Variants in SLIT3 observed in about 807,000 individuals in gnomAD.
SLIT3 encodes the protein slit homolog 3 protein.
A neutral mutation model predicts 184.0 loss-of-function variants in SLIT3; 68 were observed. That is an observed-to-expected ratio of 0.37 (90% CI 0.30 to 0.45). The LOEUF is 0.45. Ranked by LOEUF, SLIT3 falls within the 20% of genes least tolerant of loss-of-function variation. The pLI is 1.00. For synonymous variants in SLIT3, 831 were observed against 828.6 expected (o/e 1.00, Z -0.05); for missense variants, 1,707 against 2,026.0 (o/e 0.84, Z 3.02).
At chr5:168,914,063 A>G (rs1451950908) in intron 4 of SLIT3, among the ~76,000 whole-genome samples, 1 of 152,322 alleles carries the variant, frequency 6.6e-6, no homozygotes, top group Non-Finnish European at 1.5e-5. Flanking sequence ...TAGATGTGCC[A>G]TAAGTTATTA....
chr5:168,669,181 G>A (rs978572789), intron 35 of SLIT3, among the ~76,000 whole-genome samples: 2 of 152,196 alleles, frequency 1.3e-5, no homozygotes, highest in Non-Finnish European at 2.9e-5. Context: ...CTCACTGAAT[G>A]TACCTGACTG....
intron 5 of SLIT3, among the ~76,000 whole-genome samples, chr5:168,846,860 G>A (rs1758491229): frequency 6.6e-6 from 1 of 152,188 alleles, no homozygotes. Flanking sequence ...AGAATTTTAT[G>A]TGGAAAGAAT....
intron 4 of SLIT3, among the ~76,000 whole-genome samples, chr5:169,172,394 G>T (rs963293325): frequency 6.6e-6 from 1 of 152,164 alleles, no homozygotes; most frequent in African/African-American, 2.4e-5. Flanking sequence ...CCCACCAAAT[G>T]CATCCAAAAC....
intron 4 of SLIT3, among the ~76,000 whole-genome samples, chr5:169,135,629 T>C (rs1218733674): frequency 2.0e-5 from 3 of 152,216 alleles, no homozygotes; most frequent in Non-Finnish European, 4.4e-5. Context: ...TATTTATATA[T>C]GCTTCTGTTT....
chr5:169,070,314 G>C (rs1430900148), intron 4 of SLIT3, among the ~76,000 whole-genome samples: 2 of 152,132 alleles, frequency 1.3e-5, no homozygotes, highest in East Asian at 3.9e-4. Context: ...CTCTGGAGAG[G>C]CTGCTGCTAT....
chr5:168,971,791 C>T (rs1262364790), intron 4 of SLIT3, among the ~76,000 whole-genome samples: 2 of 152,202 alleles, frequency 1.3e-5, no homozygotes. Context: ...GAGGGAAAAC[C>T]TTTCCACCTT....
chr5:168,682,311 A>G (rs1354619096), intron 32 of SLIT3, among the ~76,000 whole-genome samples: 1 of 152,146 alleles, frequency 6.6e-6, no homozygotes, highest in African/African-American at 2.4e-5. Flanking sequence ...TGCTCTCACA[A>G]GTTCTTCCCT....
intron 4 of SLIT3, among the ~76,000 whole-genome samples, chr5:168,998,893 CTGTGTGTGTGTGTG>C (rs71575505): frequency 7.0e-6 from 1 of 143,190 alleles, no homozygotes; most frequent in African/African-American, 2.6e-5. Flanking sequence ...ACCCAGAAAT[CTGTGTGTGTGTGTG>C]TGTGTGTGTG....
intron 31 of SLIT3, among the ~76,000 whole-genome samples, 164 bp from the exon 32 acceptor site, chr5:168,684,260 T>C (rs77134085): frequency 0.05 from 7,593 of 152,164 alleles, 267 homozygotes; most frequent in Non-Finnish European, 0.07. Context: ...CCCCAGAAGG[T>C]AAGGCCTAGA....
At chr5:168,941,738 G>C (rs1275309348) in intron 4 of SLIT3, among the ~76,000 whole-genome samples, 1 of 152,150 alleles carries the variant, frequency 6.6e-6, no homozygotes, top group Non-Finnish European at 1.5e-5. Context: ...TTGGACCAAA[G>C]GAAGGTTAAG....
intron 6 of SLIT3, among the ~76,000 whole-genome samples, chr5:168,841,046 G>C (rs1758228651): frequency 6.6e-6 from 1 of 152,232 alleles, no homozygotes; most frequent in African/African-American, 2.4e-5. Flanking sequence ...TCCCCAGCGG[G>C]ATTGTGAGTC....
At chr5:169,179,276 C>CTTTTTTTT (rs370270230) in intron 4 of SLIT3, among the ~76,000 whole-genome samples, 47 of 124,794 alleles carry the variant, frequency 3.8e-4, no homozygotes, top group Non-Finnish European at 5.3e-4. Context: ...ATTCCTTTTT[C>CTTTTTTTT]TTTTTTTTTT....
chr5:169,110,953 G>A (rs373265858), intron 4 of SLIT3, among the ~76,000 whole-genome samples: 11 of 152,144 alleles, frequency 7.2e-5, no homozygotes, highest in East Asian at 5.8e-4. Context: ...CTGTGGTGCC[G>A]CACAGTCTGT....
chr5:169,225,904 C>G (rs1764791211), intron 3 of SLIT3, among the ~76,000 whole-genome samples: 1 of 152,192 alleles, frequency 6.6e-6, no homozygotes. Flanking sequence ...GAAGCTCACT[C>G]TGGCTGCTCT....
At chr5:169,261,740 C>T (rs1469971538) in intron 1 of SLIT3, among the ~76,000 whole-genome samples, 1 of 152,302 alleles carries the variant, frequency 6.6e-6, no homozygotes, top group East Asian at 1.9e-4. Context: ...GTATCAACAC[C>T]TTCCCCTCTC....
intron 4 of SLIT3, among the ~76,000 whole-genome samples, chr5:169,148,320 G>GTATAGCTCAGA (rs1188974307): frequency 2.6e-5 from 4 of 152,144 alleles, no homozygotes; most frequent in African/African-American, 9.7e-5. Flanking sequence ...CACATGCTTG[G>GTATAGCTCAGA]GCTGCTGCTC....
intron 1 of SLIT3, among the ~76,000 whole-genome samples, chr5:169,294,402 C>T (rs1767441260): frequency 6.6e-6 from 1 of 150,776 alleles, no homozygotes; most frequent in African/African-American, 2.4e-5. Flanking sequence ...CACCACAATT[C>T]CCTTTTTATG....
chr5:168,771,573 C>T (rs979968604), intron 14 of SLIT3, among the ~76,000 whole-genome samples: 6 of 152,166 alleles, frequency 3.9e-5, no homozygotes, highest in South Asian at 2.1e-4. Context: ...TCCAGTACCA[C>T]GCTCATCGCA....
At chr5:168,998,135 A>G (rs2113409661) in intron 4 of SLIT3, among the ~76,000 whole-genome samples, 1 of 152,324 alleles carries the variant, frequency 6.6e-6, no homozygotes. Context: ...AAAGAAAGTC[A>G]TCCAGATTGG....
Sources: gnomAD v4.1 joint callset for allele counts (sites outside exome capture counted in the v4.1 genomes callset) on GRCh38, gnomAD v4.1.1 for gene constraint, MANE v1.5 for transcripts, NCBI Gene and HGNC (gene_info 2026-07-23, HGNC 2026-07-21) for gene names.